Variants in TRPC4 observed in about 807,000 individuals in gnomAD.
TRPC4 encodes the protein transient receptor potential cation channel subfamily C member 4, also known as short transient receptor potential channel 4.
In TRPC4, 49 loss-of-function variants were observed where a neutral mutation model predicts 99.4. The ratio of observed to expected loss-of-function variants is 0.49; its 90% CI spans 0.39 to 0.63. The LOEUF is 0.63. Ranked by LOEUF, TRPC4 falls within the 20% of genes least tolerant of loss-of-function variation. TRPC4 has a pLI of 0.00. For missense variants in TRPC4, 898 were observed against 1,152.9 expected (o/e 0.78, Z 3.20); for synonymous variants, 454 against 425.9 (o/e 1.07, Z -0.81).
chr13:37,828,723 AAC>A (rs1566204161), intron 1 of TRPC4, among the ~76,000 whole-genome samples: 2 of 152,236 alleles, frequency 1.3e-5, no homozygotes, highest in Non-Finnish European at 2.9e-5. Flanking sequence ...TAAGCAAACT[AAC>A]ACAGGAACAG....
At chr13:37,795,680 A>C (rs1484012154) in intron 1 of TRPC4, among the ~76,000 whole-genome samples, 1 of 152,150 alleles carries the variant, frequency 6.6e-6, no homozygotes, top group African/African-American at 2.4e-5. Flanking sequence ...CTGCTCCTAA[A>C]ATAACTGCCT....
chr13:37,698,167 C>CCTTTTTTTTTTTTTTTTTTTTTTTTTT (rs1953981148), intron 3 of TRPC4, among the ~76,000 whole-genome samples: 1 of 42,556 alleles, frequency 2.3e-5, no homozygotes, highest in East Asian at 9.8e-4. Context: ...AAGGACTAAC[C>CCTTTTTTTTTTTTTTTTTTTTTTTTTT]TTTTTTTTTT....
intron 3 of TRPC4, among the ~76,000 whole-genome samples, chr13:37,712,165 C>T (rs1954508603): frequency 6.6e-6 from 1 of 152,084 alleles, no homozygotes. Flanking sequence ...CTCAACAGGT[C>T]TATTCCAGAA....
chr13:37,842,529 A>C (rs1958773989), intron 1 of TRPC4, among the ~76,000 whole-genome samples: 1 of 152,124 alleles, frequency 6.6e-6, no homozygotes, highest in Admixed American at 6.6e-5. Flanking sequence ...TAAGGCACAA[A>C]ATTTTTATCT....
intron 1 of TRPC4, among the ~76,000 whole-genome samples, chr13:37,843,913 A>G (rs1217567108): frequency 6.6e-6 from 1 of 152,162 alleles, no homozygotes. Flanking sequence ...TTTTGATCCC[A>G]ATGGTAAGAT....
At chr13:37,643,469 C>T (rs1593418453) in intron 8 of TRPC4, among the ~76,000 whole-genome samples, 1 of 152,008 alleles carries the variant, frequency 6.6e-6, no homozygotes, top group Non-Finnish European at 1.5e-5. Flanking sequence ...GGAAAGAAGC[C>T]GTAACAGCCC....
At chr13:37,663,074 CA>C (rs1411832772) in intron 6 of TRPC4, among the ~76,000 whole-genome samples, 1 of 152,172 alleles carries the variant, frequency 6.6e-6, no homozygotes, top group African/African-American at 2.4e-5. Context: ...AGTGGTTTTA[CA>C]CATGTTCTAT....
At chr13:37,651,105 C>T in intron 8 of TRPC4, 160 bp downstream of exon 8, 1 of 778,784 alleles carries the variant, frequency 1.3e-6, no homozygotes, top group South Asian at 1.9e-5. Flanking sequence ...CCTAGTTAAT[C>T]AGACACTGCC....
At chr13:37,677,268 A>C (rs1204769010) in intron 4 of TRPC4, among the ~76,000 whole-genome samples, 36 of 152,116 alleles carry the variant, frequency 2.4e-4, no homozygotes, top group Non-Finnish European at 1.5e-5. Context: ...TATTTAATCC[A>C]ATAACAGGCA....
Position 37,821,943 on chromosome 13 carries a change from A to G in TRPC4, c.-27-38583T>C, listed in dbSNP as rs140796764. 1.6e-3 allele frequency among the ~76,000 whole-genome samples: 237 copies of G among 152,316 alleles called. 4 individuals carry two copies. The East Asian group carries it at 0.035, about 23-fold the overall frequency. The stretch of plus-strand genomic sequence containing the variant: ...GAAGATGCCAAAAGCAATTACAATA[A>G]AAACAAAATTGACAAATGAAACCTA... On this transcript the variant is annotated intron_variant, in intron 1 of 10. Transcript: ENST00000379705.
intron 2 of TRPC4, among the ~76,000 whole-genome samples, chr13:37,775,548 G>A (rs1414523691): frequency 1.7e-4 from 26 of 150,620 alleles, no homozygotes. Context: ...TAAAGTCAAG[G>A]CTCAAAGGAC....
At chr13:37,839,903 A>G (rs1010993156) in intron 1 of TRPC4, among the ~76,000 whole-genome samples, 17 of 152,140 alleles carry the variant, frequency 1.1e-4, no homozygotes, top group Non-Finnish European at 2.1e-4. Flanking sequence ...TATTCCATCA[A>G]CCAAGTATTC....
At chr13:37,849,194 A>G (rs1266565336) in intron 1 of TRPC4, among the ~76,000 whole-genome samples, 1 of 152,168 alleles carries the variant, frequency 6.6e-6, no homozygotes, top group African/African-American at 2.4e-5. Flanking sequence ...CTGGATTACT[A>G]TGCCATCTAG....
chr13:37,761,008 T>TA (rs1210969074), intron 2 of TRPC4, among the ~76,000 whole-genome samples: 1 of 151,988 alleles, frequency 6.6e-6, no homozygotes, highest in African/African-American at 2.4e-5. Flanking sequence ...AAAAGGTATA[T>TA]AGGGCACACA....
At position 37,783,286 on chromosome 13, in the gene TRPC4, G is replaced by C. The variant is rs781155424; in HGVS notation, c.48C>G (p.Asp16Glu). 6.2e-7 allele frequency: 1 copy of C among 1,612,160 alleles called. No individual in the cohort carries two copies. Among genetic ancestry groups the C allele is most frequent in the Non-Finnish European group, 8.5e-7 (1 of 1,179,250 alleles). The change falls in exon 2 of 11, where the codon GAC (aspartate) becomes GAG (glutamate). Residue 16 changes from aspartate to glutamate, a missense_variant. Transcript: ENST00000379705. ...YKRNVNAPYR[D>E]RIPLRIVRAE... ...CTCTTACTATCCTTAGAGGGATGCG[G>C]TCTCTATAGGGAGCATTAACATTTC...
chr13:37,789,319 C>G (rs1355192399), intron 1 of TRPC4, among the ~76,000 whole-genome samples: 1 of 152,142 alleles, frequency 6.6e-6, no homozygotes, highest in African/African-American at 2.4e-5. Context: ...GGGCACTTAG[C>G]AACTCCTGCC....
intron 2 of TRPC4, among the ~76,000 whole-genome samples, chr13:37,780,455 TG>T: frequency 6.6e-6 from 1 of 152,192 alleles, no homozygotes; most frequent in Non-Finnish European, 1.5e-5. Context: ...CCAGAATCTT[TG>T]GGCATACCAT....
At chr13:37,740,158 A>AT (rs544050948) in intron 3 of TRPC4, among the ~76,000 whole-genome samples, 7 of 152,004 alleles carry the variant, frequency 4.6e-5, no homozygotes, top group Non-Finnish European at 7.4e-5. Context: ...TACCTGTGTG[A>AT]TTTTTTTTAA....
At chr13:37,836,083 G>T (rs552155305) in intron 1 of TRPC4, among the ~76,000 whole-genome samples, 1 of 152,128 alleles carries the variant, frequency 6.6e-6, no homozygotes, top group Admixed American at 6.6e-5. Context: ...GAGTTCTCCT[G>T]CACGAGTTCT....
Sources: gnomAD v4.1 joint callset for allele counts (sites outside exome capture counted in the v4.1 genomes callset) on GRCh38, gnomAD v4.1.1 for gene constraint, MANE v1.5 for transcripts, NCBI Gene and HGNC (gene_info 2026-07-23, HGNC 2026-07-21) for gene names.